The following OTC variants were observed in gnomAD, a reference collection of about 807,000 sequenced individuals.
OTC encodes ornithine transcarbamylase.
Under a neutral mutation model 30.3 loss-of-function variants are expected in OTC, and 3 were observed. The observed-to-expected ratio is 0.10, with a 90% CI of 0.05 to 0.26. The LOEUF (loss-of-function observed/expected upper bound fraction) is 0.26, where lower values mean the gene tolerates loss of function less well. Ranked by LOEUF, OTC falls within the 10% of genes least tolerant of loss-of-function variation. The probability of loss-of-function intolerance (pLI) is 1.00; values close to 1 mark genes in which losing one functional copy is unlikely to be tolerated. For missense variants in OTC, 194 were observed against 260.3 expected, an observed-to-expected ratio of 0.75 and a Z score of 1.75; for synonymous variants, 111 against 99.7, an observed-to-expected ratio of 1.11 and a Z score of -0.67.
At chrX:38,364,646 G>C (rs764869300) in intron 1 of OTC, among the ~76,000 whole-genome samples, 2 of 110,238 alleles carry the variant, frequency 1.8e-5, no homozygotes, top group Non-Finnish European at 3.8e-5. Context: ...ACAAAAATTA[G>C]CCAGGTGTGG....
intron 1 of OTC, among the ~76,000 whole-genome samples, chrX:38,363,916 A>G (rs1459781564): frequency 9.0e-6 from 1 of 111,078 alleles, no homozygotes; most frequent in Non-Finnish European, 1.9e-5. Flanking sequence ...ACCTCAGGTC[A>G]GGAGTTCAAG....
intron 1 of OTC, among the ~76,000 whole-genome samples, chrX:38,364,638 A>C (rs962138283): frequency 9.1e-6 from 1 of 110,257 alleles, no homozygotes; most frequent in African/African-American, 3.3e-5. Context: ...CTAAAAATAC[A>C]AAAATTAGCC....
At chrX:38,398,679 A>G (rs953534591) in intron 4 of OTC, among the ~76,000 whole-genome samples, 2 of 111,057 alleles carry the variant, frequency 1.8e-5, no homozygotes, top group African/African-American at 6.6e-5. Context: ...TAGGGAATTG[A>G]TAGTTGATTA....
chrX:38,368,694 G>A (rs1033536676), intron 2 of OTC, among the ~76,000 whole-genome samples: 1 of 99,221 alleles, frequency 1.0e-5, no homozygotes, highest in Non-Finnish European at 2.0e-5. Flanking sequence ...GGTTGAGAAA[G>A]TTTGACACGG....
At chrX:38,408,610 T>A (rs1036056841) in intron 6 of OTC, 132 bp from the exon 7 acceptor site, 1 of 470,981 alleles carries the variant, frequency 2.1e-6, no homozygotes, top group African/African-American at 2.4e-5. Flanking sequence ...AAAAATCATA[T>A]TCTACTGAAC....
intron 1 of OTC, among the ~76,000 whole-genome samples, chrX:38,364,205 A>G (rs1032308305): frequency 4.5e-5 from 5 of 111,908 alleles, no homozygotes; most frequent in Non-Finnish European, 1.9e-5. Context: ...ATTTTCGTGT[A>G]TGTTTTGTTA....
chrX:38,367,532 C>T (rs1183895769), intron 2 of OTC, 103 bp downstream of exon 2: 1 of 703,768 alleles, frequency 1.4e-6, no homozygotes, highest in Non-Finnish European at 2.2e-6. Context: ...AATTCTTAAA[C>T]AGTAGCTAAG....
chrX:38,344,818 A>G, the OTC span, among the ~76,000 whole-genome samples: 1 of 111,349 alleles, frequency 9.0e-6, no homozygotes, highest in African/African-American at 3.3e-5. Context: ...CAAGTTACAT[A>G]TCCAATAAAA....
intron 4 of OTC, among the ~76,000 whole-genome samples, chrX:38,392,358 T>C (rs1375460214): frequency 9.0e-6 from 1 of 110,997 alleles, no homozygotes; most frequent in African/African-American, 3.3e-5. Flanking sequence ...AACCAGAGAG[T>C]ATTTTTTTAA....
intron 3 of OTC, among the ~76,000 whole-genome samples, chrX:38,372,704 G>T (rs1211590495): frequency 8.9e-6 from 1 of 112,850 alleles, no homozygotes; most frequent in African/African-American, 3.2e-5. Context: ...CTGAAAGCGA[G>T]TAGCTGTCTT....
chrX:38,400,183 T>C (rs1387165622), intron 4 of OTC, among the ~76,000 whole-genome samples: 1 of 111,568 alleles, frequency 9.0e-6, no homozygotes, highest in Admixed American at 9.5e-5. Flanking sequence ...GCAAATCTTA[T>C]GTTGATCTCC....
At chrX:38,389,785 G>A (rs1370451977) in intron 4 of OTC, among the ~76,000 whole-genome samples, 1 of 111,891 alleles carries the variant, frequency 8.9e-6, no homozygotes, top group African/African-American at 3.2e-5. Context: ...AGCCCTCATG[G>A]TTTGGGCCAG....
intron 9 of OTC, among the ~76,000 whole-genome samples, chrX:38,413,009 G>A (rs112930318): frequency 1.8e-5 from 2 of 111,961 alleles, no homozygotes; most frequent in African/African-American, 6.5e-5. Flanking sequence ...ACCTGCATAT[G>A]TAGCAGAAGA....
intron 2 of OTC, among the ~76,000 whole-genome samples, 190 bp from the exon 3 acceptor site, chrX:38,369,606 C>G: frequency 9.1e-6 from 1 of 109,916 alleles, no homozygotes; most frequent in East Asian, 2.8e-4. Context: ...GGTGATCCAC[C>G]TGCCTTGGCC....
At chrX:38,342,314 G>T in the OTC span, among the ~76,000 whole-genome samples, 2 of 110,889 alleles carry the variant, frequency 1.8e-5, no homozygotes, top group African/African-American at 3.3e-5. Flanking sequence ...TGCCCAGCCT[G>T]AATTTCACTT....
intron 1 of OTC, among the ~76,000 whole-genome samples, chrX:38,364,256 A>G (rs1025087241): frequency 2.7e-5 from 3 of 112,427 alleles, no homozygotes; most frequent in Admixed American, 9.5e-5. Flanking sequence ...ATAAACAAAT[A>G]AAACATACAT....
At position 38,411,952 on chromosome X, in the gene OTC, C is replaced by A. The variant is rs72558473; in HGVS notation, c.958C>A (p.Arg320=). The change falls in exon 9 of 10, where the codon CGA becomes AGA. Residue 320 remains arginine (R), a synonymous_variant. Transcript: ENST00000039007. ...EVDDEVFYSP[R]SLVFPEAENR... is the part of the protein sequence containing the mutation. ...GGATGATGAAGTCTTTTATTCTCCT[C>A]GATCACTAGTGTTCCCAGAGGCAGA... 1 of 1,207,287 alleles carries A rather than the reference C, an allele frequency of 8.3e-7. No homozygotes were observed. The highest frequency in any genetic ancestry group is 1.8e-5 in the African/African-American group (1 of 57,115).
Position 38,421,264 on chromosome X carries a change from C to CT in OTC, c.*183dup. 1 of 434,440 alleles carries CT rather than the reference C, an allele frequency of 2.3e-6. No individual in the cohort carries two copies. Among genetic ancestry groups the CT allele is most frequent in the Non-Finnish European group, 4.1e-6 (1 of 245,286 alleles). 35.8% of individuals were successfully genotyped at this position (434,440 alleles called of 1,213,427 possible). A position where few individuals can be genotyped will look rare whatever the true frequency, so the allele number is the denominator to read the frequency against. On this transcript the variant is annotated 3_prime_UTR_variant, in exon 10 of 10. Coordinates refer to ENST00000039007, the MANE Select transcript of OTC (RefSeq NM_000531.6). ...AGCCTTTAATTTAAGTGCTGATGCA[C>CT]TGTAATACGTGCTTAACTTTGCTTA...
chrX:38,393,439 T>C (rs773113965), intron 4 of OTC, among the ~76,000 whole-genome samples: 47 of 112,607 alleles, frequency 4.2e-4, no homozygotes, highest in African/African-American at 1.4e-3. Context: ...TACTTTTGTA[T>C]GGTCCTGGAA....
Sources: gnomAD v4.1 joint callset for allele counts (sites outside exome capture counted in the v4.1 genomes callset) on GRCh38, gnomAD v4.1.1 for gene constraint, MANE v1.5 for transcripts, NCBI Gene and HGNC (gene_info 2026-07-23, HGNC 2026-07-21) for gene names.